Variants in COBL observed in about 807,000 individuals in gnomAD.
The protein encoded by COBL is cordon-bleu WH2 repeat protein.
Under a neutral mutation model 98.8 loss-of-function variants are expected in COBL, and 51 were observed. The ratio of observed to expected loss-of-function variants is 0.52; its 90% CI spans 0.41 to 0.65. COBL has a LOEUF of 0.65. COBL is among the 30% of genes least tolerant of loss of function. The pLI is 0.00. For missense variants in COBL, 1,617 were observed against 1,617.5 expected, an observed-to-expected ratio of 1.00 and a Z score of 0.01; for synonymous variants, 634 against 651.7, an observed-to-expected ratio of 0.97 and a Z score of 0.41.
chr7:51,078,771 C>T (rs1793332932), intron 7 of COBL, among the ~76,000 whole-genome samples: 1 of 152,188 alleles, frequency 6.6e-6, no homozygotes, highest in African/African-American at 2.4e-5. Flanking sequence ...GAAGGATCTG[C>T]CCCCAACTTC....
At chr7:51,314,549 A>AC (rs1340388300) in intron 1 of COBL, among the ~76,000 whole-genome samples, 2 of 152,224 alleles carry the variant, frequency 1.3e-5, no homozygotes, top group East Asian at 3.8e-4. Context: ...CGAAGACCTA[A>AC]CACCATTTAT....
At chr7:51,039,069 T>C (rs951509238) in intron 8 of COBL, among the ~76,000 whole-genome samples, 2 of 152,170 alleles carry the variant, frequency 1.3e-5, no homozygotes, top group Non-Finnish European at 2.9e-5. Flanking sequence ...ACGGTGATCA[T>C]GCCCTCTCTG....
intron 5 of COBL, among the ~76,000 whole-genome samples, chr7:51,150,547 G>T (rs1052002617): frequency 1.3e-5 from 2 of 152,170 alleles, no homozygotes; most frequent in African/African-American, 4.8e-5. Flanking sequence ...CAACATAAAT[G>T]GCAACATTTC....
chr7:51,028,502 C>A lies in COBL; in HGVS notation c.2594G>T (p.Ser865Ile). ...TFLKPQRRTS[S>I]QYVASAIAKR... ...GGCAATGGCAGAGGCCACATACTGG[C>A]TGGACGTTCTTCTCTGAGGCTTGAG... The change falls in exon 10 of 13, where the codon AGC (serine) becomes ATC (isoleucine). Residue 865 changes from serine (S) to isoleucine (I), a missense_variant. Ser to Ile is a moderately radical substitution (Grantham distance 142, BLOSUM62 -2). Around this residue, in one of 3 missense-constraint regions of COBL, gnomAD observed 1,304 missense variants for 1,282.0 expected, o/e 1.02. Coordinates refer to ENST00000265136, the MANE Select transcript of COBL (RefSeq NM_015198.5). The A allele has an allele frequency of 1.2e-6, 2 of 1,614,272 alleles. No individual in the cohort carries two copies. The highest frequency in any genetic ancestry group is 1.7e-6 in the Non-Finnish European group (2 of 1,180,052).
At chr7:51,225,760 G>T (rs1305109175) in intron 1 of COBL, among the ~76,000 whole-genome samples, 1 of 152,200 alleles carries the variant, frequency 6.6e-6, no homozygotes, top group Non-Finnish European at 1.5e-5. Context: ...GAAGCTCCCA[G>T]CTGGGTTTTT....
At chr7:51,049,650 T>C (rs531732981) in intron 7 of COBL, among the ~76,000 whole-genome samples, 1 of 152,168 alleles carries the variant, frequency 6.6e-6, no homozygotes, top group Non-Finnish European at 1.5e-5. Flanking sequence ...AAAGTGACCA[T>C]TGGACTGCGT....
At chr7:51,260,427 A>G (rs573374500) in intron 1 of COBL, among the ~76,000 whole-genome samples, 1 of 152,334 alleles carries the variant, frequency 6.6e-6, no homozygotes, top group South Asian at 2.1e-4. Flanking sequence ...AGTATCTGGG[A>G]TAGATTCTAA....
At chr7:51,079,703 G>A (rs1373048092) in intron 7 of COBL, among the ~76,000 whole-genome samples, 1 of 152,234 alleles carries the variant, frequency 6.6e-6, no homozygotes, top group African/African-American at 2.4e-5. Context: ...GCCCTGTGCA[G>A]CTGTGGCTTG....
At chr7:51,187,316 A>G (rs1004533585) in intron 4 of COBL, among the ~76,000 whole-genome samples, 1 of 131,112 alleles carries the variant, frequency 7.6e-6, no homozygotes, top group Admixed American at 7.7e-5. Context: ...TTAAGTATAT[A>G]TATATATATA....
chr7:51,078,387 GA>G (rs1197226623), intron 7 of COBL, among the ~76,000 whole-genome samples: 1 of 152,168 alleles, frequency 6.6e-6, no homozygotes, highest in African/African-American at 2.4e-5. Flanking sequence ...GGGGGAAGCT[GA>G]CCCCAAAGAT....
chr7:51,213,413 A>G (rs1256658956), intron 2 of COBL, among the ~76,000 whole-genome samples: 1 of 152,164 alleles, frequency 6.6e-6, no homozygotes, highest in East Asian at 1.9e-4. Flanking sequence ...ACCTAGTGAT[A>G]CACATAATGC....
intron 6 of COBL, among the ~76,000 whole-genome samples, chr7:51,093,172 TCAATAG>T (rs1794971397): frequency 6.6e-6 from 1 of 151,890 alleles, no homozygotes; most frequent in Non-Finnish European, 1.5e-5. Flanking sequence ...AAACTGAAAC[TCAATAG>T]CAAAAAACTA....
intron 7 of COBL, chr7:51,073,397 A>G: frequency 1.5e-6 from 1 of 676,508 alleles, no homozygotes; most frequent in East Asian, 2.7e-5. Flanking sequence ...TGCGGGGGGA[A>G]AATAAATGGC....
intron 12 of COBL, among the ~76,000 whole-genome samples, chr7:51,018,739 A>G (rs1786553645): frequency 6.6e-6 from 1 of 151,176 alleles, no homozygotes; most frequent in South Asian, 2.1e-4. Flanking sequence ...CTAAAAATAA[A>G]AAATTAGCTG....
At chr7:51,095,010 G>A (rs1403148978) in intron 6 of COBL, among the ~76,000 whole-genome samples, 2 of 152,114 alleles carry the variant, frequency 1.3e-5, no homozygotes, top group Non-Finnish European at 2.9e-5. Context: ...AAGATGCACA[G>A]GAGAAATGAA....
chr7:51,269,749 C>A (rs1053468553), intron 1 of COBL, among the ~76,000 whole-genome samples: 16 of 152,232 alleles, frequency 1.1e-4, no homozygotes, highest in African/African-American at 3.6e-4. Context: ...TCTTTATAGA[C>A]CCTTTCTATT....
At chr7:51,089,936 T>C (rs187293940) in intron 6 of COBL, among the ~76,000 whole-genome samples, 1 of 152,334 alleles carries the variant, frequency 6.6e-6, no homozygotes, top group African/African-American at 2.4e-5. Context: ...TGAGCCATAA[T>C]TAACTAAATT....
chr7:51,129,819 T>C, intron 6 of COBL, among the ~76,000 whole-genome samples: 1 of 152,142 alleles, frequency 6.6e-6, no homozygotes, highest in East Asian at 1.9e-4. Context: ...CACAGTCAAC[T>C]GTGACGTGAG....
chr7:51,041,206 T>A (rs1789157300), intron 8 of COBL, among the ~76,000 whole-genome samples: 1 of 152,186 alleles, frequency 6.6e-6, no homozygotes. Flanking sequence ...AATATAAACT[T>A]GGTCTTGGAG....
Sources: allele counts gnomAD v4.1 joint callset (sites outside exome capture counted in the v4.1 genomes callset), GRCh38; gene constraint gnomAD v4.1.1; regional missense constraint gnomAD v4.1.1; transcripts MANE v1.5; gene names NCBI Gene and HGNC (gene_info 2026-07-23, HGNC 2026-07-21).